NLGN4X: variants seen among roughly 807,000 people sequenced by gnomAD.
The protein encoded by NLGN4X is neuroligin 4 X-linked.
NLGN4X carries 3 observed loss-of-function variants against 40.3 expected under a neutral mutation model. The ratio of observed to expected loss-of-function variants is 0.07; its 90% CI spans 0.03 to 0.19. The LOEUF is 0.19. Among genes scored for constraint, NLGN4X ranks in the 10% least tolerant of loss-of-function variants. The pLI is 1.00. For missense variants in NLGN4X, 382 were observed against 708.3 expected, an observed-to-expected ratio of 0.54 and a Z score of 5.23; for synonymous variants, 270 against 306.8, an observed-to-expected ratio of 0.88 and a Z score of 1.25.
At position 6,213,266 on chromosome X, in the gene NLGN4X, G is replaced by C. The variant is rs112215081; in HGVS notation, c.-306+15275C>G. 8.6e-3 allele frequency among the ~76,000 whole-genome samples: 959 copies of C among 111,529 alleles called. 9 individuals carry two copies. The highest frequency in any genetic ancestry group is 0.027 in the African/African-American group (817 of 30,655). ...ACACATACCCCTGTCTAAAACATCA[G>C]ACTGGCTCTAGTTGGTGGACATTCT... is the stretch of plus-strand genomic sequence containing the variant. On this transcript the variant is annotated intron_variant, in intron 1 of 5. Transcript: ENST00000381095.
intron 3 of NLGN4X, chrX:5,991,604 C>G: frequency 2.2e-6 from 1 of 461,969 alleles, no homozygotes; most frequent in Non-Finnish European, 4.0e-6. Context: ...GCCCCTTTCT[C>G]AGCATGCAGT....
intron 1 of NLGN4X, among the ~76,000 whole-genome samples, chrX:6,224,180 A>G (rs964426379): frequency 1.8e-5 from 2 of 112,910 alleles, no homozygotes; most frequent in Middle Eastern, 4.6e-3. Context: ...ACTTCATTTG[A>G]ATGCAATGCA....
chrX:5,944,045 G>A (rs2034041451), intron 3 of NLGN4X, among the ~76,000 whole-genome samples: 1 of 112,129 alleles, frequency 8.9e-6, no homozygotes, highest in Admixed American at 9.5e-5. Flanking sequence ...ATGAACAAGG[G>A]TAGCTCAGAT....
chrX:6,196,581 A>AAAAAAAAAT (rs1923110091), intron 1 of NLGN4X, among the ~76,000 whole-genome samples: 2 of 102,116 alleles, frequency 2.0e-5, no homozygotes, highest in African/African-American at 3.7e-5. Context: ...AAAAAAAAAA[A>AAAAAAAAAT]GTGTCTCATG....
chrX:6,203,135 C>T, intron 1 of NLGN4X, among the ~76,000 whole-genome samples: 1 of 112,683 alleles, frequency 8.9e-6, no homozygotes, highest in East Asian at 2.8e-4. Context: ...CCATTGCCTA[C>T]AGAATAACAT....
At chrX:6,037,775 A>G (rs772852500) in intron 2 of NLGN4X, among the ~76,000 whole-genome samples, 1 of 110,576 alleles carries the variant, frequency 9.0e-6, no homozygotes, top group Admixed American at 9.6e-5. Context: ...GGGGCACGGA[A>G]AGAAATGTTT....
chrX:6,025,048 C>A (rs2036653791), intron 3 of NLGN4X, among the ~76,000 whole-genome samples: 1 of 111,690 alleles, frequency 9.0e-6, no homozygotes, highest in Non-Finnish European at 1.9e-5. Flanking sequence ...AACATATACA[C>A]CTTCCTAGTG....
intron 3 of NLGN4X, among the ~76,000 whole-genome samples, chrX:5,942,697 GA>G (rs1341662227): frequency 9.2e-6 from 1 of 108,953 alleles, no homozygotes; most frequent in African/African-American, 3.3e-5. Flanking sequence ...GAGGGGAGGG[GA>G]GAGAAGGGGA....
chrX:5,900,590 A>T (rs4451452), intron 5 of NLGN4X, among the ~76,000 whole-genome samples: 1,779 of 24,842 alleles, frequency 0.072, 197 homozygotes, highest in Middle Eastern at 0.24. Context: ...TTTTTTTTTT[A>T]AAGATAAAGG....
chrX:5,911,250 C>T (rs927747948), intron 3 of NLGN4X, among the ~76,000 whole-genome samples: 1 of 111,847 alleles, frequency 8.9e-6, no homozygotes, highest in Non-Finnish European at 1.9e-5. Flanking sequence ...ACTCACTGTT[C>T]TCTCTTTCTC....
chrX:6,105,219 C>A (rs1334107518), intron 2 of NLGN4X, among the ~76,000 whole-genome samples: 1 of 110,641 alleles, frequency 9.0e-6, no homozygotes, highest in Non-Finnish European at 1.9e-5. Flanking sequence ...CACCACCATG[C>A]CCCACTAACT....
intron 2 of NLGN4X, among the ~76,000 whole-genome samples, chrX:6,125,932 G>C (rs1345910188): frequency 9.0e-6 from 1 of 110,948 alleles, no homozygotes; most frequent in African/African-American, 3.3e-5. Context: ...TAGTAGAATA[G>C]TAGCTATTTT....
chrX:5,912,014 C>T (rs1210083791), intron 3 of NLGN4X, among the ~76,000 whole-genome samples: 1 of 112,063 alleles, frequency 8.9e-6, no homozygotes, highest in Non-Finnish European at 1.9e-5. Context: ...TGATTACCAG[C>T]CATTATTCCA....
chrX:6,168,581 T>G (rs1354763520), intron 1 of NLGN4X, among the ~76,000 whole-genome samples: 1 of 111,771 alleles, frequency 8.9e-6, no homozygotes, highest in Non-Finnish European at 1.9e-5. Flanking sequence ...GAAGTCCTCC[T>G]GCTGGTCTCA....
intron 3 of NLGN4X, among the ~76,000 whole-genome samples, chrX:5,982,610 T>A (rs1446129992): frequency 8.9e-6 from 1 of 112,184 alleles, no homozygotes; most frequent in Non-Finnish European, 1.9e-5. Context: ...TAAAAACATT[T>A]TAGTGCTAAA....
At chrX:5,988,863 G>A (rs1360929604) in intron 3 of NLGN4X, among the ~76,000 whole-genome samples, 1 of 111,271 alleles carries the variant, frequency 9.0e-6, no homozygotes, top group East Asian at 2.8e-4. Context: ...CCAAGAGTTC[G>A]AGACCAGCCT....
At chrX:6,179,264 GA>G (rs1921170218) in intron 1 of NLGN4X, among the ~76,000 whole-genome samples, 1 of 111,152 alleles carries the variant, frequency 9.0e-6, no homozygotes, top group Non-Finnish European at 1.9e-5. Context: ...ACTAATAACT[GA>G]AAAACACCCA....
chrX:5,951,637 C>T (rs2034315711), intron 3 of NLGN4X, among the ~76,000 whole-genome samples: 1 of 111,431 alleles, frequency 9.0e-6, no homozygotes. Flanking sequence ...ATGGCAGATT[C>T]AGTGGCTGGT....
chrX:6,028,790 T>C (rs902803024), intron 3 of NLGN4X, among the ~76,000 whole-genome samples: 1 of 112,634 alleles, frequency 8.9e-6, no homozygotes, highest in Non-Finnish European at 1.9e-5. Context: ...AACAGCTAAG[T>C]TTCCCTGCAT....
Sources: gnomAD v4.1 joint callset for allele counts (sites outside exome capture counted in the v4.1 genomes callset) on GRCh38, gnomAD v4.1.1 for gene constraint, MANE v1.5 for transcripts, NCBI Gene and HGNC (gene_info 2026-07-23, HGNC 2026-07-21) for gene names.